The following COL15A1 variants were observed in gnomAD, a reference collection of about 807,000 sequenced individuals.
COL15A1 encodes the protein collagen type XV alpha 1 chain.
A neutral mutation model predicts 165.9 loss-of-function variants in COL15A1; 111 were observed. The observed-to-expected ratio is 0.67, with a 90% CI of 0.57 to 0.78. The LOEUF (loss-of-function observed/expected upper bound fraction) is 0.78, where lower values mean the gene tolerates loss of function less well. Among genes scored for constraint, COL15A1 ranks in the 30% least tolerant of loss-of-function variants. The pLI, the probability that COL15A1 is intolerant of heterozygous loss-of-function variation, is 0.00. For synonymous variants in COL15A1, 659 were observed against 674.8 expected (o/e 0.98, Z 0.36); for missense variants, 1,745 against 1,789.7 (o/e 0.98, Z 0.45).
chr9:98,954,175 A>G lies in COL15A1; in HGVS notation c.100+9925A>G, dbSNP rs1050976298. On this transcript the variant is annotated intron_variant, in intron 2 of 41. Transcript: ENST00000375001. ...ATGTCCATTTCCACCAGGAGATGGG[A>G]GAGGCAGAGGGATGTGAGAAGTGTT... Among the ~76,000 whole-genome samples, 6 of 152,346 alleles carry G rather than the reference A, an allele frequency of 3.9e-5. No homozygotes were observed. In the East Asian group the frequency reaches 1.2e-3, roughly 29 times the overall value.
chr9:99,042,726 G>A (rs10512262), intron 24 of COL15A1, among the ~76,000 whole-genome samples: 19,188 of 152,264 alleles, frequency 0.13, 1,266 homozygotes, highest in South Asian at 0.2. Context: ...TTGGTCCAAA[G>A]TCTCTGGAAT....
At chr9:98,994,983 C>A (rs1564037519) in intron 5 of COL15A1, among the ~76,000 whole-genome samples, 1 of 152,126 alleles carries the variant, frequency 6.6e-6, no homozygotes, top group Non-Finnish European at 1.5e-5. Context: ...ATCTCGTTGT[C>A]TTCCTATGTT....
At position 99,059,906 on chromosome 9, in the gene COL15A1, C is replaced by G. The variant is rs1825781900; in HGVS notation, c.3355C>G (p.Pro1119Ala). The change falls in exon 36 of 42, where the codon CCC (proline) becomes GCC (alanine). Residue 1119 changes from proline to alanine, a missense_variant. Physicochemically the swap from Pro to Ala is conservative, Grantham distance 27 (BLOSUM62 -1). Coordinates refer to ENST00000375001, the MANE Select transcript of COL15A1 (RefSeq NM_001855.5). The part of the protein sequence containing the change: ...ILGAAVALPG[P>A]PGPPGQPGLP... ...TGTCTTAGCTGTGGCCCTTCCAGGT[C>G]CCCCTGGCCCTCCAGGACAGCCAGG... 6.2e-7 allele frequency: 1 copy of G among 1,613,764 alleles called. No individual in the cohort carries two copies.
intron 2 of COL15A1, among the ~76,000 whole-genome samples, chr9:98,980,588 C>A (rs1486695844): frequency 6.6e-6 from 1 of 152,198 alleles, no homozygotes; most frequent in Non-Finnish European, 1.5e-5. Context: ...CAGAGGGCCT[C>A]TTGAGCCAGG....
chr9:99,043,472 A>G (rs987131120), intron 24 of COL15A1, among the ~76,000 whole-genome samples: 1 of 152,100 alleles, frequency 6.6e-6, no homozygotes, highest in Non-Finnish European at 1.5e-5. Flanking sequence ...ACCTCCTGCC[A>G]CCTTGAATGA....
In COL15A1 at chr9:98,970,460, T is replaced by G. The variant is rs1441282285; in HGVS notation, c.101-15105T>G. ...TGTGTGTGGGAAGAGCAGTCTGAGC[T>G]CTCTGAGCCCTTAAGGGGGTAGCAG... is the stretch of plus-strand genomic sequence containing the variant. On this transcript the variant is annotated intron_variant, in intron 2 of 41. Coordinates refer to ENST00000375001, the MANE Select transcript of COL15A1 (RefSeq NM_001855.5). Among the ~76,000 whole-genome samples, 3 of 152,182 alleles carry G rather than the reference T, an allele frequency of 2.0e-5. No homozygotes were observed. The East Asian group carries it at 5.8e-4, about 29-fold the overall frequency.
chr9:99,042,012 A>G, intron 23 of COL15A1, 33 bp from the exon 24 acceptor site: 2 of 1,440,756 alleles, frequency 1.4e-6, no homozygotes, highest in Non-Finnish European at 1.9e-6. Flanking sequence ...AATCTTAACG[A>G]ACAACCAAAT....
intron 2 of COL15A1, among the ~76,000 whole-genome samples, chr9:98,972,893 G>C (rs1197579449): frequency 1.3e-5 from 2 of 152,228 alleles, no homozygotes; most frequent in African/African-American, 2.4e-5. Flanking sequence ...GCAATGGGCT[G>C]TAACAGGCAG....
chr9:99,013,945 G>A (rs1449846911), intron 9 of COL15A1, among the ~76,000 whole-genome samples: 2 of 151,968 alleles, frequency 1.3e-5, no homozygotes, highest in Non-Finnish European at 2.9e-5. Context: ...TTTAAGACAG[G>A]AAGCAAGGAT....
chr9:99,054,276 C>T (rs1445950986), intron 31 of COL15A1, among the ~76,000 whole-genome samples: 1 of 152,210 alleles, frequency 6.6e-6, no homozygotes, highest in Non-Finnish European at 1.5e-5. Flanking sequence ...TAGCCGCAGC[C>T]TCTGCTGCAC....
At chr9:99,013,790 A>G (rs1838884384) in intron 9 of COL15A1, among the ~76,000 whole-genome samples, 1 of 152,188 alleles carries the variant, frequency 6.6e-6, no homozygotes, top group South Asian at 2.1e-4. Context: ...GAACACCCCA[A>G]AAAGGGGCGG....
intron 14 of COL15A1, among the ~76,000 whole-genome samples, chr9:99,023,824 C>A (rs12352939): frequency 6.6e-6 from 1 of 151,974 alleles, no homozygotes; most frequent in Non-Finnish European, 1.5e-5. Flanking sequence ...ATTAAAGAGA[C>A]CTGCTGGTTT....
At chr9:99,004,038 G>A (rs1489025987) in intron 8 of COL15A1, among the ~76,000 whole-genome samples, 1 of 152,190 alleles carries the variant, frequency 6.6e-6, no homozygotes, top group Non-Finnish European at 1.5e-5. Context: ...GGGCTGGCAG[G>A]AGCAAAGGCC....
chr9:99,035,414 C>T lies in COL15A1; in HGVS notation c.2285C>T (p.Ala762Val). The stretch of plus-strand genomic sequence containing the variant: ...CCCAAACTCTCCAGACCAACGGCTG[C>T]AATTGTAGGTCGCCTCTGAAACCTT... ...NEPKLSRPTA[A>V]IGLKGEKGDR... The change falls in exon 19 of 42, where the codon GCA becomes GTA. Residue 762 changes from alanine to valine, a missense_variant. Ala to Val is a moderately conservative substitution (Grantham distance 64). Transcript: ENST00000375001. 1 of 1,614,136 alleles carries T rather than the reference C, an allele frequency of 6.2e-7. No homozygotes were observed. Among genetic ancestry groups the T allele is most frequent in the African/African-American group, 1.3e-5 (1 of 75,050 alleles).
chr9:98,984,601 C>G (rs1302260284), intron 2 of COL15A1, among the ~76,000 whole-genome samples: 1 of 152,190 alleles, frequency 6.6e-6, no homozygotes, highest in African/African-American at 2.4e-5. Context: ...GCGCTTAGAG[C>G]AGGGCCTGGT....
intron 34 of COL15A1, among the ~76,000 whole-genome samples, chr9:99,055,789 G>A (rs191870004): frequency 7.4e-4 from 113 of 152,312 alleles, no homozygotes; most frequent in Non-Finnish European, 1.3e-4. Context: ...TAGGATGAGA[G>A]ATTTTTCCAG....
intron 9 of COL15A1, among the ~76,000 whole-genome samples, chr9:99,010,711 A>G (rs1838835429): frequency 6.6e-6 from 1 of 152,254 alleles, no homozygotes; most frequent in Non-Finnish European, 1.5e-5. Flanking sequence ...TGAGTTGGTC[A>G]CGTCCCATGG....
At chr9:98,952,244 T>C (rs1285751198) in intron 2 of COL15A1, among the ~76,000 whole-genome samples, 1 of 152,174 alleles carries the variant, frequency 6.6e-6, no homozygotes, top group African/African-American at 2.4e-5. Flanking sequence ...AATTCTTCCA[T>C]GGCTTTGTCA....
rs573445541 is a variant in COL15A1, at chr9:99,059,785, C to A, written c.3338-104C>A. The A allele has an allele frequency of 6.3e-6, 8 of 1,270,714 alleles. No individual in the cohort carries two copies. In the South Asian group the frequency reaches 9.5e-5, roughly 15 times the overall value. 78.7% of individuals were successfully genotyped at this position (1,270,714 alleles called of 1,614,324 possible). ...GTGGAAGTTGGGATGCTTTGTGGCG[C>A]TGTGAATGGGGTTGAACACACTTCT... is the stretch of plus-strand genomic sequence containing the variant. On this transcript the variant is annotated intron_variant, in intron 35 of 41. Coordinates refer to ENST00000375001, the MANE Select transcript of COL15A1 (RefSeq NM_001855.5).
Sources: allele counts gnomAD v4.1 joint callset (sites outside exome capture counted in the v4.1 genomes callset), GRCh38; gene constraint gnomAD v4.1.1; transcripts MANE v1.5; gene names NCBI Gene and HGNC (gene_info 2026-07-23, HGNC 2026-07-21).